Variants in RBFOX2 observed in about 807,000 individuals in gnomAD.
RBFOX2 encodes RNA binding fox-1 homolog 2.
In RBFOX2, 10 loss-of-function variants were observed where a neutral mutation model predicts 49.1. The observed-to-expected ratio is 0.20, with a 90% CI of 0.13 to 0.35. The LOEUF (loss-of-function observed/expected upper bound fraction) is 0.35. Ranked by LOEUF, RBFOX2 falls within the 10% of genes least tolerant of loss-of-function variation. The pLI is 1.00. For synonymous variants in RBFOX2, 183 were observed against 187.4 expected (o/e 0.98, Z 0.19); for missense variants, 323 against 486.9 (o/e 0.66, Z 3.17).
chr22:35,846,549 C>T (rs539395890), intron 1 of RBFOX2, among the ~76,000 whole-genome samples: 2 of 151,878 alleles, frequency 1.3e-5, no homozygotes, highest in African/African-American at 4.8e-5. Context: ...GAGTTCAAGA[C>T]CAGCCTGACC....
chr22:35,976,930 C>T (rs2057193016), intron 1 of RBFOX2, among the ~76,000 whole-genome samples: 1 of 149,986 alleles, frequency 6.7e-6, no homozygotes, highest in Non-Finnish European at 1.5e-5. Context: ...CGTCACTGCA[C>T]TCCAGCCTGG....
intron 1 of RBFOX2, among the ~76,000 whole-genome samples, chr22:35,982,620 G>GACT (rs1437164145): frequency 6.6e-6 from 1 of 152,092 alleles, no homozygotes; most frequent in East Asian, 1.9e-4. Flanking sequence ...GAAATGGTTG[G>GACT]ACGGTAATTT....
rs376901527 is a variant in RBFOX2, at chr22:35,791,110, C to T, written c.253-9364G>A. On this transcript the variant is annotated intron_variant, in intron 2 of 11. Transcript: ENST00000405409. ...TTAAAAAAGAAAAAAGTAGGCCTGG[C>T]GCAGTGGCTCATGCCTGTAATCCTA... is the stretch of plus-strand genomic sequence containing the variant. Among the ~76,000 whole-genome samples, 10 of 152,018 alleles carry T rather than the reference C, an allele frequency of 6.6e-5. No individual in the cohort carries two copies. The East Asian group carries it at 1.6e-3, about 24-fold the overall frequency.
intron 1 of RBFOX2, among the ~76,000 whole-genome samples, chr22:35,930,661 C>T (rs146631175): frequency 3.8e-4 from 57 of 151,852 alleles, no homozygotes; most frequent in East Asian, 2.9e-3. Flanking sequence ...GGAACCCCAT[C>T]TCTACTAAAA....
Position 35,952,745 on chromosome 22 carries a change from G to C in RBFOX2, c.42+8818C>G, listed in dbSNP as rs541815853. On this transcript the variant is annotated intron_variant, in intron 1 of 5. Coordinates refer to the RBFOX2 transcript ENST00000408983. ...ATACTTGTACTTTGCTGGTGGGAAT[G>C]TAAAATGGAGCAGCTGCTGTGGAAA... Among the ~76,000 whole-genome samples the C allele has an allele frequency of 3.7e-4, 57 of 152,262 alleles. 1 individual carries two copies. The South Asian group carries it at 0.011, about 28-fold the overall frequency.
In RBFOX2 at chr22:35,761,328, G is replaced by A. The variant is rs576517196; in HGVS notation, c.662-34C>T. On this transcript the variant is annotated intron_variant, in intron 7 of 11. Coordinates refer to ENST00000405409, the Ensembl canonical transcript of RBFOX2. Reference sequence around the variant, plus strand: ...ATTTTTAAAAAATTTAAAAATGCAAGAAGATTAAAAAGGAGTCACAAATTG... The same window carrying A: ...ATTTTTAAAAAATTTAAAAATGCAAAAAGATTAAAAAGGAGTCACAAATTG... The A allele has an allele frequency of 1.4e-4, 224 of 1,613,202 alleles. 2 individuals are homozygous for A. The South Asian group carries it at 2.2e-3, about 16-fold the overall frequency.
At chr22:35,872,783 G>A (rs1041065451) in intron 1 of RBFOX2, among the ~76,000 whole-genome samples, 2 of 152,168 alleles carry the variant, frequency 1.3e-5, no homozygotes, top group Non-Finnish European at 2.9e-5. Flanking sequence ...CTGTATGTCT[G>A]CCCGCTAGGG....
At position 35,749,442 on chromosome 22, in the gene RBFOX2, C is replaced by T. The variant is rs1934058371; in HGVS notation, c.888-2881G>A. 6.6e-6 allele frequency among the ~76,000 whole-genome samples: 1 copy of T among 152,062 alleles called. No individual in the cohort carries two copies. The highest frequency in any genetic ancestry group is 2.1e-4 in the South Asian group (1 of 4,822). ...CCTACTAAACTAACTTGGTAATTCA[C>T]TAATGACTACTCCAAAAGTAGAAAA... is the stretch of plus-strand genomic sequence containing the variant. On this transcript the variant is annotated intron_variant, in intron 9 of 11. Coordinates refer to ENST00000405409, the Ensembl canonical transcript of RBFOX2. The surrounding 1 kb of genome is among the most constrained non-coding windows in gnomAD (Gnocchi z 4.1).
At chr22:35,903,809 T>G (rs1186913349) in intron 1 of RBFOX2, among the ~76,000 whole-genome samples, 2 of 152,110 alleles carry the variant, frequency 1.3e-5, no homozygotes, top group African/African-American at 4.8e-5. Context: ...ATCATCTCTT[T>G]CCTGAATATC....
At chr22:35,943,307 C>A (rs1271700740), upstream of RBFOX2, among the ~76,000 whole-genome samples, 1 of 152,096 alleles carries the variant, frequency 6.6e-6, no homozygotes, top group Non-Finnish European at 1.5e-5. Context: ...GATGAAATTA[C>A]AAGAAAAGCT....
At chr22:35,897,459 C>T in intron 1 of RBFOX2, 1 of 838,684 alleles carries the variant, frequency 1.2e-6, no homozygotes, top group Non-Finnish European at 2.1e-6. Flanking sequence ...CCTTGTTGTC[C>T]AGGACTCAAA....
intron 1 of RBFOX2, among the ~76,000 whole-genome samples, chr22:35,856,303 T>C (rs1313869803): frequency 2.0e-5 from 3 of 152,168 alleles, no homozygotes; most frequent in Non-Finnish European, 4.4e-5. Flanking sequence ...TCTCAAGACT[T>C]AGCAAGCACT....
exon 3 of RBFOX2, chr22:35,781,630 G>C: frequency 1.2e-6 from 2 of 1,614,154 alleles, no homozygotes; most frequent in Non-Finnish European, 1.7e-6. Context: ...CAGGGTCCCG[G>C]AAGCGGAAAG....
chr22:35,817,467 A>T (rs1953363862), intron 1 of RBFOX2, among the ~76,000 whole-genome samples: 2 of 144,710 alleles, frequency 1.4e-5, no homozygotes, highest in African/African-American at 5.3e-5. Context: ...ACAGAGTAAG[A>T]CTTTGTCTCA....
chr22:35,964,822 T>C (rs372786090), upstream of RBFOX2, among the ~76,000 whole-genome samples: 1 of 152,238 alleles, frequency 6.6e-6, no homozygotes. Context: ...ATACACCCTG[T>C]TGTAAACATA....
intron 1 of RBFOX2, among the ~76,000 whole-genome samples, chr22:35,931,092 T>G (rs2052340214): frequency 6.6e-6 from 1 of 152,134 alleles, no homozygotes; most frequent in Non-Finnish European, 1.5e-5. Context: ...CACTAGACAC[T>G]ACAGCATATA....
At chr22:35,947,193 C>A (rs1370685703) in intron 1 of RBFOX2, among the ~76,000 whole-genome samples, 3 of 151,282 alleles carry the variant, frequency 2.0e-5, no homozygotes, top group Non-Finnish European at 2.9e-5. Flanking sequence ...CTCTTCCCTG[C>A]CACAAAAAAA....
upstream of RBFOX2, among the ~76,000 whole-genome samples, chr22:35,943,765 C>T (rs2053951794): frequency 6.6e-6 from 1 of 152,136 alleles, no homozygotes; most frequent in Non-Finnish European, 1.5e-5. Context: ...ATTAGCTGGG[C>T]ATGGTGGTGG....
upstream of RBFOX2, among the ~76,000 whole-genome samples, chr22:35,966,056 C>CA (rs2056541229): frequency 1.3e-5 from 2 of 152,290 alleles, no homozygotes; most frequent in South Asian, 4.1e-4. Flanking sequence ...TCACTCCCAC[C>CA]AGCCCACAAT....
Sources: allele counts gnomAD v4.1 joint callset (sites outside exome capture counted in the v4.1 genomes callset), GRCh38; gene constraint gnomAD v4.1.1; non-coding constraint Gnocchi (gnomAD v3.1); transcripts MANE v1.5; gene names NCBI Gene and HGNC (gene_info 2026-07-23, HGNC 2026-07-21).